Variants in MAPKAP1 observed in about 807,000 individuals in gnomAD.
MAPKAP1 encodes the protein target of rapamycin complex 2 subunit MAPKAP1.
MAPKAP1 carries 20 observed loss-of-function variants against 65.7 expected under a neutral mutation model. That is an observed-to-expected ratio of 0.30 (90% CI 0.21 to 0.44). The LOEUF is 0.44. Among genes scored for constraint, MAPKAP1 ranks in the 20% least tolerant of loss-of-function variants. The pLI is 1.00. For synonymous variants in MAPKAP1, 222 were observed against 244.3 expected (o/e 0.91, Z 0.85); for missense variants, 423 against 648.0 (o/e 0.65, Z 3.77).
At chr9:125,680,751 AGTT>A (rs1185249002) in intron 1 of MAPKAP1, among the ~76,000 whole-genome samples, 2 of 152,242 alleles carry the variant, frequency 1.3e-5, no homozygotes, top group Non-Finnish European at 2.9e-5. Context: ...CCCCTCCAGA[AGTT>A]TACTTACAAA....
At chr9:125,645,973 T>C (rs1287065699) in intron 4 of MAPKAP1, among the ~76,000 whole-genome samples, 1 of 152,116 alleles carries the variant, frequency 6.6e-6, no homozygotes, top group Admixed American at 6.5e-5. Context: ...TTTGAGATAA[T>C]TGTGATAAAA....
At chr9:125,645,783 A>C (rs1020677977) in intron 4 of MAPKAP1, among the ~76,000 whole-genome samples, 9 of 151,570 alleles carry the variant, frequency 5.9e-5, no homozygotes, top group South Asian at 4.2e-4. Context: ...TGACATCCAT[A>C]TAGAATAAAT....
At chr9:125,460,040 C>T (rs2132970615) in intron 10 of MAPKAP1, among the ~76,000 whole-genome samples, 1 of 149,040 alleles carries the variant, frequency 6.7e-6, no homozygotes, top group East Asian at 2.0e-4. Flanking sequence ...GATTATCCCC[C>T]ATCATTTATC....
Position 125,500,939 on chromosome 9 carries a change from TCTA to T in MAPKAP1, c.1066+5368_1066+5370del, listed in dbSNP as rs550012004. On this transcript the variant is annotated intron_variant, in intron 8 of 11. Transcript: ENST00000265960. ...GGGGCGGAGGGAGGGATTGTTCATT[TCTA>T]CGGGGTAAAAATTCCGATAAGCAAG... 2.1e-4 allele frequency among the ~76,000 whole-genome samples: 32 copies of T among 152,288 alleles called. 2 individuals are homozygous for T. The South Asian group carries it at 6.6e-3, about 32-fold the overall frequency.
chr9:125,525,260 T>C (rs1164416001), intron 7 of MAPKAP1, among the ~76,000 whole-genome samples: 3 of 152,316 alleles, frequency 2.0e-5, no homozygotes, highest in African/African-American at 7.2e-5. Context: ...CTTGGTGCTT[T>C]GCAAGGATCG....
At chr9:125,652,183 T>C (rs762863782) in intron 4 of MAPKAP1, 1 of 1,323,778 alleles carries the variant, frequency 7.6e-7, no homozygotes, top group South Asian at 1.2e-5. Context: ...GTGACTTTCT[T>C]TGAAGAGAGC....
chr9:125,587,292 G>T (rs181040334), intron 4 of MAPKAP1, among the ~76,000 whole-genome samples: 4 of 152,232 alleles, frequency 2.6e-5, no homozygotes, highest in Non-Finnish European at 1.5e-5. Flanking sequence ...TAGGCCAGGC[G>T]CAGTGGCTCA....
intron 7 of MAPKAP1, among the ~76,000 whole-genome samples, chr9:125,521,048 G>A (rs1335832204): frequency 1.3e-5 from 2 of 152,196 alleles, no homozygotes; most frequent in African/African-American, 4.8e-5. Flanking sequence ...CCTAAGTGGA[G>A]CCCACTCAAC....
chr9:125,521,677 C>A, intron 7 of MAPKAP1: 1 of 1,588,940 alleles, frequency 6.3e-7, no homozygotes, highest in Admixed American at 1.8e-5. Context: ...GACATCCAGT[C>A]CAGTACTCAA....
intron 4 of MAPKAP1, among the ~76,000 whole-genome samples, chr9:125,636,005 G>A (rs1564594881): frequency 6.6e-6 from 1 of 152,246 alleles, no homozygotes; most frequent in African/African-American, 2.4e-5. Flanking sequence ...GGACATGTAT[G>A]AACTCCTGGT....
Position 125,669,831 on chromosome 9 carries a change from A to G in MAPKAP1, c.336T>C (p.Asn112=). ...ATTTCCATTTACCTGATTGCTTAGA[A>G]TTTCTTTCTTTCCACTGAATATTTT... ...KCKNIQWKER[N]SKQSAQELKS... is the part of the protein sequence containing the mutation. Residue 112 remains asparagine (N), a synonymous_variant, in exon 3 of 12, where the codon AAT becomes AAC. Transcript: ENST00000265960. 6.4e-7 allele frequency: 1 copy of G among 1,559,118 alleles called. No individual in the cohort carries two copies. The highest frequency in any genetic ancestry group is 8.8e-7 in the Non-Finnish European group (1 of 1,138,550).
intron 4 of MAPKAP1, among the ~76,000 whole-genome samples, chr9:125,597,222 G>A (rs1832159936): frequency 7.4e-6 from 1 of 135,666 alleles, no homozygotes; most frequent in African/African-American, 2.8e-5. Flanking sequence ...CCGAGATCGT[G>A]CCACTGCACT....
chr9:125,480,752 C>T (rs1222883814), intron 9 of MAPKAP1, among the ~76,000 whole-genome samples: 1 of 151,488 alleles, frequency 6.6e-6, no homozygotes, highest in South Asian at 2.1e-4. Flanking sequence ...GCGGGTGGAT[C>T]ACAAGGTCAG....
chr9:125,642,955 AGC>A (rs1285972884), intron 4 of MAPKAP1, among the ~76,000 whole-genome samples: 10 of 151,552 alleles, frequency 6.6e-5, no homozygotes, highest in South Asian at 2.1e-4. Context: ...GCTGGAGTGC[AGC>A]AGTGCAATCT....
intron 4 of MAPKAP1, among the ~76,000 whole-genome samples, chr9:125,620,800 A>G (rs1407240330): frequency 6.6e-6 from 1 of 152,214 alleles, no homozygotes; most frequent in African/African-American, 2.4e-5. Flanking sequence ...GGGGAGAAAA[A>G]TAAGTATATT....
At chr9:125,643,271 T>G (rs1004573486) in intron 4 of MAPKAP1, among the ~76,000 whole-genome samples, 6 of 152,046 alleles carry the variant, frequency 3.9e-5, no homozygotes, top group Non-Finnish European at 7.4e-5. Flanking sequence ...CTTGGCTTAC[T>G]GCAAACTCTG....
rs1831755870 is a variant in MAPKAP1 at position 125,585,549 on chromosome 9, G to A, written c.671+6C>T. The A allele has an allele frequency of 6.2e-7, 1 of 1,612,816 alleles. No homozygotes were observed. The highest frequency in any genetic ancestry group is 8.5e-7 in the Non-Finnish European group (1 of 1,178,936). On this transcript the variant is annotated splice_donor_region_variant and intron_variant, in intron 5 of 11. Transcript: ENST00000265960. ...AACTAGAGCAGCCAAAAAGAGAATG[G>A]ATTACTTGAGCTTCGGCTCCCGTCC...
intron 1 of MAPKAP1, among the ~76,000 whole-genome samples, chr9:125,697,126 T>C (rs758002871): frequency 4.6e-5 from 7 of 152,212 alleles, no homozygotes; most frequent in African/African-American, 1.2e-4. Context: ...AATAGGACTT[T>C]TGGGGGAAAA....
intron 4 of MAPKAP1, among the ~76,000 whole-genome samples, chr9:125,629,220 A>G (rs999403004): frequency 4.6e-5 from 7 of 152,250 alleles, no homozygotes; most frequent in Non-Finnish European, 1.5e-5. Context: ...CAAATTGCAT[A>G]TAATTTCAGT....
Sources: allele counts gnomAD v4.1 joint callset (sites outside exome capture counted in the v4.1 genomes callset), GRCh38; gene constraint gnomAD v4.1.1; transcripts MANE v1.5; gene names NCBI Gene and HGNC (gene_info 2026-07-23, HGNC 2026-07-21).